Variants in FIGN observed in about 807,000 individuals in gnomAD.
The protein encoded by FIGN is fidgetin.
Under a neutral mutation model 51.3 loss-of-function variants are expected in FIGN, and 11 were observed. The observed-to-expected ratio is 0.21, with a 90% CI of 0.13 to 0.35. FIGN has a LOEUF of 0.35. FIGN is among the 10% of genes least tolerant of loss of function. FIGN has a pLI of 1.00. For missense variants in FIGN, 857 were observed against 943.6 expected (o/e 0.91, Z 1.20); for synonymous variants, 407 against 363.2 (o/e 1.12, Z -1.37).
chr2:163,686,751 T>A (rs1429990124), intron 2 of FIGN, among the ~76,000 whole-genome samples: 1 of 138,876 alleles, frequency 7.2e-6, no homozygotes, highest in African/African-American at 2.6e-5. Flanking sequence ...TGTTTATGTA[T>A]GTATGTGTAT....
At chr2:163,630,140 A>AT in intron 2 of FIGN, among the ~76,000 whole-genome samples, 1 of 151,040 alleles carries the variant, frequency 6.6e-6, no homozygotes, top group East Asian at 2.0e-4. Context: ...AAACTTTTTT[A>AT]TTTTTTGTAG....
At chr2:163,732,625 C>T (rs1361672487) in intron 2 of FIGN, among the ~76,000 whole-genome samples, 5 of 152,182 alleles carry the variant, frequency 3.3e-5, no homozygotes, top group African/African-American at 4.8e-5. Context: ...CCCCTTCAAC[C>T]TTTCAACTGT....
intron 2 of FIGN, among the ~76,000 whole-genome samples, chr2:163,644,319 C>T (rs1683350776): frequency 6.6e-6 from 1 of 152,092 alleles, no homozygotes; most frequent in African/African-American, 2.4e-5. Flanking sequence ...AGCCAATAAG[C>T]ACATGAAAAG....
intron 2 of FIGN, among the ~76,000 whole-genome samples, chr2:163,650,330 A>T (rs116704191): frequency 0.062 from 9,447 of 151,394 alleles, 393 homozygotes; most frequent in African/African-American, 0.1. Flanking sequence ...ATAATATTTA[A>T]CACATAATAT....
chr2:163,702,454 C>T (rs1233345096), intron 2 of FIGN, among the ~76,000 whole-genome samples: 1 of 152,074 alleles, frequency 6.6e-6, no homozygotes, highest in East Asian at 1.9e-4. Context: ...TTCATATCAC[C>T]ACCATTTATA....
chr2:163,674,468 G>A (rs1683927135), intron 2 of FIGN, among the ~76,000 whole-genome samples: 1 of 152,132 alleles, frequency 6.6e-6, no homozygotes, highest in African/African-American at 2.4e-5. Context: ...AGATAATTCT[G>A]GTCTAAAGCT....
At position 163,712,280 on chromosome 2, in the gene FIGN, GA is replaced by G. The variant is rs149083983; in HGVS notation, c.25+22622del. ...ATCTAATGGAGTTTGTCCTCTAAAA[GA>G]ATATAAAGTGAATCTTTGCAGCATG... On this transcript the variant is annotated intron_variant, in intron 2 of 2. Coordinates refer to ENST00000333129, the MANE Select transcript of FIGN (RefSeq NM_018086.4). 6.3e-3 allele frequency among the ~76,000 whole-genome samples: 958 copies of G among 152,258 alleles called. 6 individuals carry two copies. The highest frequency in any genetic ancestry group is 0.021 in the African/African-American group (889 of 41,546).
At chr2:163,640,735 G>A (rs1683294146) in intron 2 of FIGN, among the ~76,000 whole-genome samples, 1 of 152,042 alleles carries the variant, frequency 6.6e-6, no homozygotes, top group African/African-American at 2.4e-5. Flanking sequence ...AAAAAACAGA[G>A]TTACTAAATA....
At chr2:163,634,256 C>G (rs2105312662) in intron 2 of FIGN, among the ~76,000 whole-genome samples, 1 of 152,130 alleles carries the variant, frequency 6.6e-6, no homozygotes, top group East Asian at 1.9e-4. Flanking sequence ...ATAGCTATGA[C>G]TTCTATTCAA....
At chr2:163,686,343 C>T (rs991711408) in intron 2 of FIGN, among the ~76,000 whole-genome samples, 3 of 152,090 alleles carry the variant, frequency 2.0e-5, no homozygotes, top group Non-Finnish European at 2.9e-5. Flanking sequence ...GCTATAATTG[C>T]CATAATGTTG....
intron 2 of FIGN, among the ~76,000 whole-genome samples, chr2:163,701,579 G>A (rs941380872): frequency 3.3e-5 from 5 of 152,156 alleles, no homozygotes; most frequent in Admixed American, 6.6e-5. Flanking sequence ...AGCTTTAGCC[G>A]ACAAAGCTCC....
At chr2:163,642,555 C>T (rs1430332511) in intron 2 of FIGN, among the ~76,000 whole-genome samples, 4 of 152,082 alleles carry the variant, frequency 2.6e-5, no homozygotes, top group Non-Finnish European at 5.9e-5. Context: ...TCTAGGATAA[C>T]CTAGAACCTA....
Position 163,603,018 on chromosome 2 carries a change from A to C in FIGN, c.*6534T>G, listed in dbSNP as rs1275611413. ...TTCCTACACACATATGATCAACCAT[A>C]TAATGATCCCATCAAAATAAAAAAA... On this transcript the variant is annotated 3_prime_UTR_variant, in exon 3 of 3. Transcript: ENST00000333129. 1 of 152,108 alleles carries C rather than the reference A, an allele frequency of 6.6e-6. No individual in the cohort carries two copies. The highest frequency in any genetic ancestry group is 6.6e-5 in the Admixed American group (1 of 15,240). The allele number at this position is 152,108 out of a possible 1,614,324, so 9.4% of individuals were successfully genotyped here.
At chr2:163,723,323 T>C (rs1018226985) in intron 2 of FIGN, among the ~76,000 whole-genome samples, 1 of 152,114 alleles carries the variant, frequency 6.6e-6, no homozygotes, top group African/African-American at 2.4e-5. Flanking sequence ...TATACACACA[T>C]GTTGAGGAGA....
chr2:163,704,487 C>T (rs2105352547), intron 2 of FIGN, among the ~76,000 whole-genome samples: 1 of 152,104 alleles, frequency 6.6e-6, no homozygotes, highest in East Asian at 1.9e-4. Flanking sequence ...ACTGCGTGGG[C>T]TTTGGTGATG....
At chr2:163,729,885 G>A (rs1157653064) in intron 2 of FIGN, among the ~76,000 whole-genome samples, 1 of 152,156 alleles carries the variant, frequency 6.6e-6, no homozygotes, top group Non-Finnish European at 1.5e-5. Context: ...GTTAAGCAAA[G>A]TGTCAATATT....
At chr2:163,621,578 G>A (rs549155196) in intron 2 of FIGN, among the ~76,000 whole-genome samples, 11 of 152,264 alleles carry the variant, frequency 7.2e-5, no homozygotes, top group Non-Finnish European at 1.5e-4. Flanking sequence ...AGGATTAAAA[G>A]TGAGAAGCTC....
At chr2:163,709,792 T>C (rs894591609) in intron 2 of FIGN, among the ~76,000 whole-genome samples, 2 of 151,876 alleles carry the variant, frequency 1.3e-5, no homozygotes, top group African/African-American at 4.8e-5. Context: ...GAGAAAAAAA[T>C]AGAATGGTGT....
intron 2 of FIGN, among the ~76,000 whole-genome samples, chr2:163,679,447 G>T (rs1469193585): frequency 6.6e-6 from 1 of 151,126 alleles, no homozygotes; most frequent in African/African-American, 2.4e-5. Flanking sequence ...AGTGAGCAGA[G>T]ATCACGCCAC....
Sources: allele counts gnomAD v4.1 joint callset (sites outside exome capture counted in the v4.1 genomes callset), GRCh38; gene constraint gnomAD v4.1.1; transcripts MANE v1.5; gene names NCBI Gene and HGNC (gene_info 2026-07-23, HGNC 2026-07-21).